Variants in FNDC1 observed in about 807,000 individuals in gnomAD.
The protein encoded by FNDC1 is fibronectin type III domain containing 1, also known as fibronectin type III domain-containing protein 1.
In FNDC1, 96 loss-of-function variants were observed where a neutral mutation model predicts 168.0. The ratio of observed to expected loss-of-function variants is 0.57; its 90% CI spans 0.48 to 0.68. The LOEUF (loss-of-function observed/expected upper bound fraction) is 0.68, where lower values mean the gene tolerates loss of function less well. Ranked by LOEUF, FNDC1 falls within the 30% of genes least tolerant of loss-of-function variation. The pLI is 0.00. For synonymous variants in FNDC1, 1,099 were observed against 1,025.9 expected (o/e 1.07, Z -1.36); for missense variants, 2,587 against 2,482.1 (o/e 1.04, Z -0.90).
intron 16 of FNDC1, among the ~76,000 whole-genome samples, 151 bp downstream of exon 16, chr6:159,249,333 A>T (rs1777208089): frequency 6.6e-6 from 1 of 152,228 alleles, no homozygotes; most frequent in Non-Finnish European, 1.5e-5. Flanking sequence ...TGAGTGAGTC[A>T]GTCTTATGTA....
In FNDC1 at chr6:159,255,108, G is replaced by A. The variant is rs117655960; in HGVS notation, c.5066-1415G>A. ...TGAATATGCAGACCTAATTGTATAG[G>A]TTTAATGTCTTAACTGTCTTTCCCT... On this transcript the variant is annotated intron_variant, in intron 17 of 22. Transcript: ENST00000297267. Among the ~76,000 whole-genome samples the A allele has an allele frequency of 7.9e-4, 120 of 152,332 alleles. 1 individual carries two copies. The East Asian group carries it at 0.017, about 22-fold the overall frequency.
intron 1 of FNDC1, among the ~76,000 whole-genome samples, chr6:159,183,429 C>T (rs577166816): frequency 3.2e-4 from 48 of 152,328 alleles, no homozygotes; most frequent in African/African-American, 8.2e-4. Context: ...CAGACCTCTG[C>T]GTTCTTTGGG....
intron 18 of FNDC1, among the ~76,000 whole-genome samples, chr6:159,257,386 C>A (rs148880947): frequency 4.7e-3 from 722 of 152,300 alleles, no homozygotes; most frequent in Middle Eastern, 0.014. Flanking sequence ...TAAATACTAC[C>A]ATTTTGGCCA....
intron 17 of FNDC1, among the ~76,000 whole-genome samples, chr6:159,254,919 G>A (rs1777341728): frequency 6.6e-6 from 1 of 151,932 alleles, no homozygotes; most frequent in Admixed American, 6.6e-5. Context: ...TTGCTGTCTG[G>A]ATTCCTCTTG....
intron 4 of FNDC1, among the ~76,000 whole-genome samples, chr6:159,212,119 A>G (rs892471510): frequency 1.3e-5 from 2 of 152,210 alleles, no homozygotes; most frequent in Admixed American, 1.3e-4. Context: ...GGACCTGCCA[A>G]GTGGGTGACA....
chr6:159,182,942 A>G (rs930447508), intron 1 of FNDC1, among the ~76,000 whole-genome samples: 1 of 152,230 alleles, frequency 6.6e-6, no homozygotes, highest in African/African-American at 2.4e-5. Flanking sequence ...ATGGAAGGAA[A>G]TGAGGACCAA....
intron 15 of FNDC1, among the ~76,000 whole-genome samples, chr6:159,248,034 CT>C (rs1189915205): frequency 1.3e-5 from 2 of 152,142 alleles, no homozygotes; most frequent in Non-Finnish European, 2.9e-5. Context: ...ACAATGTCAC[CT>C]TTGATGTGTT....
intron 4 of FNDC1, among the ~76,000 whole-genome samples, chr6:159,200,927 T>C (rs1194731557): frequency 1.3e-5 from 2 of 152,278 alleles, no homozygotes; most frequent in East Asian, 3.8e-4. Context: ...AATCAATGAA[T>C]GGGGTCCCCC....
intron 1 of FNDC1, among the ~76,000 whole-genome samples, chr6:159,170,341 G>A (rs1781627224): frequency 6.6e-6 from 1 of 152,204 alleles, no homozygotes; most frequent in Admixed American, 6.5e-5. Flanking sequence ...AAATGAGAAA[G>A]CTGATTCCAG....
At chr6:159,258,666 G>A (rs1679290589) in intron 18 of FNDC1, among the ~76,000 whole-genome samples, 1 of 152,298 alleles carries the variant, frequency 6.6e-6, no homozygotes, top group Admixed American at 6.5e-5. Flanking sequence ...CTCCTGAGGT[G>A]CCCACCTGCT....
Position 159,233,600 on chromosome 6 carries a change from C to A in FNDC1, c.3088C>A (p.Gln1030Lys). ...CAGAGACGCGGGTCGGTCACCTTCC[C>A]AGCCCAGGCTCTCACTGACCCAGGC... Reference protein sequence around the residue: ...QSRDAGRSPSQPRLSLTQAGR... With the variant: ...QSRDAGRSPSKPRLSLTQAGR... Residue 1030 changes from glutamine to lysine, a missense_variant, in exon 11 of 23, where the codon CAG becomes AAG. Physicochemically the swap from Gln to Lys is moderately conservative, Grantham distance 53. Transcript: ENST00000297267. This position sits in a 1 kb window ranked among gnomAD's most constrained non-coding sequence, Gnocchi z 4.6. 6.3e-7 allele frequency: 1 copy of A among 1,578,650 alleles called. No homozygotes were observed. Among genetic ancestry groups the A allele is most frequent in the East Asian group, 2.3e-5 (1 of 42,962 alleles).
At chr6:159,224,466 A>G (rs1400954453) in intron 7 of FNDC1, among the ~76,000 whole-genome samples, 1 of 152,236 alleles carries the variant, frequency 6.6e-6, no homozygotes, top group Non-Finnish European at 1.5e-5. Flanking sequence ...AACGAATGGG[A>G]TATGATGACA....
At chr6:159,170,814 C>T (rs1781638520) in intron 1 of FNDC1, among the ~76,000 whole-genome samples, 1 of 152,130 alleles carries the variant, frequency 6.6e-6, no homozygotes, top group South Asian at 2.1e-4. Context: ...GCAGTGCCTG[C>T]CGTAGGGTCT....
chr6:159,218,809 C>T (rs1025946166), intron 5 of FNDC1, among the ~76,000 whole-genome samples: 7 of 152,148 alleles, frequency 4.6e-5, no homozygotes, highest in South Asian at 2.1e-4. Flanking sequence ...GACTTGCAGC[C>T]GGAGGGGCTG....
At chr6:159,170,872 G>T (rs1035836939) in intron 1 of FNDC1, among the ~76,000 whole-genome samples, 1 of 152,136 alleles carries the variant, frequency 6.6e-6, no homozygotes, top group African/African-American at 2.4e-5. Flanking sequence ...TGAATACTTT[G>T]CACAGTACTT....
chr6:159,194,916 T>G (rs1782213116), intron 1 of FNDC1, among the ~76,000 whole-genome samples: 1 of 152,098 alleles, frequency 6.6e-6, no homozygotes, highest in Admixed American at 6.5e-5. Context: ...ATGGACGAGT[T>G]AGGCATGAAG....
chr6:159,260,997 A>G lies in FNDC1; in HGVS notation c.5175-193A>G, dbSNP rs185814784. 1.1e-4 allele frequency among the ~76,000 whole-genome samples: 16 copies of G among 152,320 alleles called. No homozygotes were observed. The East Asian group carries it at 3.1e-3, about 29-fold the overall frequency. On this transcript the variant is annotated intron_variant, in intron 18 of 22. Coordinates refer to ENST00000297267, the MANE Select transcript of FNDC1 (RefSeq NM_032532.3). ...CATGTGTCCCTGCTATGTTAATTGT[A>G]TTATTTAGAGAATTTATTCAAAACT...
rs192411651 is a variant in FNDC1 at position 159,251,953 on chromosome 6, C to G, written c.5065+421C>G. On this transcript the variant is annotated intron_variant, in intron 17 of 22. Coordinates refer to ENST00000297267, the MANE Select transcript of FNDC1 (RefSeq NM_032532.3). ...GTGACCATAAGCTCCCGCTGGGCCA[C>G]ACATTTGTCCCTTTTTGGAGTCAGC... Among the ~76,000 whole-genome samples the G allele has an allele frequency of 1.6e-3, 248 of 152,320 alleles. 1 individual carries two copies. The highest frequency in any genetic ancestry group is 5.7e-3 in the African/African-American group (239 of 41,572).
chr6:159,213,341 T>G (rs1395964862), intron 4 of FNDC1, among the ~76,000 whole-genome samples: 1 of 152,206 alleles, frequency 6.6e-6, no homozygotes, highest in African/African-American at 2.4e-5. Context: ...CTCCTTGTCC[T>G]TGGAACTTCA....
Sources: allele counts gnomAD v4.1 joint callset (sites outside exome capture counted in the v4.1 genomes callset), GRCh38; gene constraint gnomAD v4.1.1; non-coding constraint Gnocchi (gnomAD v3.1); transcripts MANE v1.5; gene names NCBI Gene and HGNC (gene_info 2026-07-23, HGNC 2026-07-21).